ADGRG3: variants seen among roughly 807,000 people sequenced by gnomAD.
The protein encoded by ADGRG3 is adhesion G protein-coupled receptor G3, also known as G protein-coupled receptor 97.
ADGRG3 carries 39 observed loss-of-function variants against 54.3 expected under a neutral mutation model. That is an observed-to-expected ratio of 0.72 (90% CI 0.56 to 0.94). The LOEUF (loss-of-function observed/expected upper bound fraction) is 0.94, where lower values mean the gene tolerates loss of function less well. ADGRG3 is among the 40% of genes least tolerant of loss of function. The probability of loss-of-function intolerance (pLI) is 0.00; values close to 1 mark genes in which losing one functional copy is unlikely to be tolerated. For missense variants in ADGRG3, 654 were observed against 694.6 expected (o/e 0.94, Z 0.66); for synonymous variants, 312 against 290.0 (o/e 1.08, Z -0.77).
chr16:57,665,882 T>C (rs1567846364), upstream of ADGRG3, among the ~76,000 whole-genome samples: 1 of 152,194 alleles, frequency 6.6e-6, no homozygotes, highest in Non-Finnish European at 1.5e-5. Context: ...CAGTGCCCTC[T>C]GAGGGGCGTG....
chr16:57,675,068 T>A (rs1334396558), intron 2 of ADGRG3, among the ~76,000 whole-genome samples: 3 of 150,376 alleles, frequency 2.0e-5, no homozygotes, highest in Non-Finnish European at 4.4e-5. Flanking sequence ...AGCAGCACTT[T>A]TCACAGTAGC....
At chr16:57,676,436 G>C in intron 3 of ADGRG3, 98 bp downstream of exon 3, 1 of 1,158,686 alleles carries the variant, frequency 8.6e-7, no homozygotes, top group Non-Finnish European at 1.2e-6. Context: ...GATATAACTA[G>C]GGCTTGTCCC....
intron 1 of ADGRG3, among the ~76,000 whole-genome samples, chr16:57,671,436 G>A (rs1321365960): frequency 6.7e-6 from 1 of 149,690 alleles, no homozygotes; most frequent in Non-Finnish European, 1.5e-5. Flanking sequence ...CGCCTCCCGG[G>A]TTGAAGCAAT....
upstream of ADGRG3, among the ~76,000 whole-genome samples, chr16:57,666,718 G>A (rs2048067213): frequency 6.6e-6 from 1 of 152,122 alleles, no homozygotes; most frequent in Non-Finnish European, 1.5e-5. Context: ...TCAGGGAAGG[G>A]GCCTTAGGAA....
intron 11 of ADGRG3, among the ~76,000 whole-genome samples, chr16:57,687,912 T>G (rs1271296493): frequency 6.6e-6 from 1 of 152,232 alleles, no homozygotes; most frequent in Non-Finnish European, 1.5e-5. Flanking sequence ...TCTCAATATT[T>G]GTCTTGCATA....
intron 1 of ADGRG3, among the ~76,000 whole-genome samples, chr16:57,672,509 TTATCTC>T (rs1567851793): frequency 2.0e-5 from 3 of 152,240 alleles, no homozygotes; most frequent in Admixed American, 1.3e-4. Flanking sequence ...TGTATGTCCT[TTATCTC>T]TAATCCTTCC....
Position 57,679,877 on chromosome 16 carries a change from C to T in ADGRG3, c.667+22C>T, listed in dbSNP as rs762972522. ...AAAGGTAGGGCCCGGAGGACCTTCT[C>T]TGGGGTAAGACAGGAAGGGAGGGTA... On this transcript the variant is annotated intron_variant, in intron 6 of 11. Transcript: ENST00000333493. 5.0e-6 allele frequency: 8 copies of T among 1,591,528 alleles called. No individual in the cohort carries two copies. The South Asian group carries it at 5.5e-5, about 11-fold the overall frequency.
In ADGRG3 at chr16:57,688,503, G is replaced by A; in HGVS notation, c.*42G>A. 1 of 1,167,340 alleles carries A rather than the reference G, an allele frequency of 8.6e-7. No individual in the cohort carries two copies. Among genetic ancestry groups the A allele is most frequent in the Non-Finnish European group, 1.3e-6 (1 of 772,686 alleles). 72.3% of individuals were successfully genotyped at this position (1,167,340 alleles called of 1,614,324 possible). On this transcript the variant is annotated 3_prime_UTR_variant, in exon 12 of 12. Transcript: ENST00000333493. ...AATATGGACTCAGCTCTGGCTCTCT[G>A]TGTGACCTTGGGCAGCTCCGTGCCT... is the stretch of plus-strand genomic sequence containing the variant.
chr16:57,685,502 C>T (rs1221250545), intron 10 of ADGRG3, 141 bp from the exon 11 acceptor site: 4 of 775,250 alleles, frequency 5.2e-6, no homozygotes, highest in Non-Finnish European at 8.5e-6. Flanking sequence ...GACGGCCCCT[C>T]CCACAGCGGG....
Position 57,688,541 on chromosome 16 carries a change from C to T in ADGRG3, c.*80C>T, listed in dbSNP as rs566549602. 3.7e-5 allele frequency: 31 copies of T among 849,294 alleles called. No individual in the cohort carries two copies. The highest frequency in any genetic ancestry group is 2.3e-4 in the African/African-American group (14 of 60,402). The allele number at this position is 849,294 out of a possible 1,614,324, so 52.6% of individuals were successfully genotyped here. On this transcript the variant is annotated 3_prime_UTR_variant, in exon 12 of 12. Transcript: ENST00000333493. ...CAGCTCCGTGCCTCTCTCTGTACTCCCTCAGTTTCCTTCTCTGTACAATGT... is the reference window on the plus strand; with the variant it reads ...CAGCTCCGTGCCTCTCTCTGTACTCTCTCAGTTTCCTTCTCTGTACAATGT...
chr16:57,672,374 T>C (rs1341061906), intron 1 of ADGRG3, among the ~76,000 whole-genome samples: 1 of 151,950 alleles, frequency 6.6e-6, no homozygotes. Context: ...AATTAAAACA[T>C]TTTTTCCTTA....
intron 1 of ADGRG3, among the ~76,000 whole-genome samples, 166 bp downstream of exon 1, chr16:57,668,571 T>G (rs938855668): frequency 6.6e-6 from 1 of 152,204 alleles, no homozygotes; most frequent in African/African-American, 2.4e-5. Flanking sequence ...TCTCTAGCCC[T>G]GTCCCTTTGG....
chr16:57,667,286 A>AG (rs2048077083), upstream of ADGRG3, among the ~76,000 whole-genome samples: 1 of 152,368 alleles, frequency 6.6e-6, no homozygotes, highest in East Asian at 1.9e-4. Flanking sequence ...CGTGGGCCAG[A>AG]GGGGGATGCC....
rs1304550884 is a variant in ADGRG3 at position 57,688,604 on chromosome 16, G to A, written c.*143G>A. ...AGAGGATGGGACCAGGTTGGACCACGTGGCATCAGAGGTCCCATCCAGATC... is the reference window on the plus strand; with the variant it reads ...AGAGGATGGGACCAGGTTGGACCACATGGCATCAGAGGTCCCATCCAGATC... On this transcript the variant is annotated 3_prime_UTR_variant, in exon 12 of 12. Coordinates refer to ENST00000333493, the MANE Select transcript of ADGRG3 (RefSeq NM_170776.5). 2 of 658,090 alleles carry A rather than the reference G, an allele frequency of 3.0e-6. No individual in the cohort carries two copies. The highest frequency in any genetic ancestry group is 5.5e-6 in the Non-Finnish European group (2 of 361,122). 40.8% of individuals were successfully genotyped at this position (658,090 alleles called of 1,614,324 possible).
intron 2 of ADGRG3, among the ~76,000 whole-genome samples, chr16:57,675,141 A>T (rs1296114257): frequency 6.6e-6 from 1 of 151,934 alleles, no homozygotes; most frequent in African/African-American, 2.4e-5. Flanking sequence ...TTAAAATATG[A>T]TCTCTCCATA....
intron 2 of ADGRG3, among the ~76,000 whole-genome samples, chr16:57,674,846 A>C (rs1379907053): frequency 6.6e-6 from 1 of 150,960 alleles, no homozygotes. Flanking sequence ...AAAAAAAAAA[A>C]ATTGCCAGGC....
intron 8 of ADGRG3, among the ~76,000 whole-genome samples, chr16:57,681,793 T>G (rs2048377087): frequency 6.7e-6 from 1 of 149,208 alleles, no homozygotes; most frequent in African/African-American, 2.5e-5. Context: ...ATTCAAAAAA[T>G]TTTAAGAATG....
At chr16:57,680,215 C>T (rs1001804175) in intron 6 of ADGRG3, 50 bp from the exon 7 acceptor site, 42 of 1,119,506 alleles carry the variant, frequency 3.8e-5, no homozygotes, top group Non-Finnish European at 5.4e-5. Flanking sequence ...CTCCCTTGCC[C>T]TCCCCTCCCT....
chr16:57,669,655 G>A (rs537213817), intron 1 of ADGRG3, among the ~76,000 whole-genome samples: 10 of 152,336 alleles, frequency 6.6e-5, no homozygotes, highest in Admixed American at 4.6e-4. Context: ...CACACTTCCT[G>A]TGTGGACAGT....
Sources: allele counts gnomAD v4.1 joint callset (sites outside exome capture counted in the v4.1 genomes callset), GRCh38; gene constraint gnomAD v4.1.1; transcripts MANE v1.5; gene names NCBI Gene and HGNC (gene_info 2026-07-23, HGNC 2026-07-21).